Variants in EPN2 observed in about 807,000 individuals in gnomAD.
EPN2 encodes epsin 2.
In EPN2, 34 loss-of-function variants were observed where a neutral mutation model predicts 61.7. The ratio of observed to expected loss-of-function variants is 0.55; its 90% confidence interval spans 0.42 to 0.73. The LOEUF is 0.73. Ranked by LOEUF, EPN2 falls within the 30% of genes least tolerant of loss-of-function variation. The probability of loss-of-function intolerance (pLI) is 0.00; values close to 1 mark genes in which losing one functional copy is unlikely to be tolerated. For synonymous variants in EPN2, 349 were observed against 353.6 expected, an observed-to-expected ratio of 0.99 and a Z score of 0.15; for missense variants, 714 against 839.2, an observed-to-expected ratio of 0.85 and a Z score of 1.84.
rs769126546 is a variant in EPN2, at chr17:19,329,673, A to G, written c.1411+26A>G. On this transcript the variant is annotated intron_variant, in intron 9 of 10. Coordinates refer to ENST00000314728, the MANE Select transcript of EPN2 (RefSeq NM_014964.5). Reference sequence around the variant, plus strand: ...GTATGTACAGGTGATGATGGTTTCCATAATCCTCCGTGCATTTGACCAGCT... The same window carrying G: ...GTATGTACAGGTGATGATGGTTTCCGTAATCCTCCGTGCATTTGACCAGCT... 1.5e-5 allele frequency: 21 copies of G among 1,403,464 alleles called. No individual in the cohort carries two copies. The South Asian group carries it at 2.4e-4, about 16-fold the overall frequency. The allele number at this position is 1,403,464 out of a possible 1,614,324, so 86.9% of individuals were successfully genotyped here. A position where few individuals can be genotyped will look rare whatever the true frequency, so the allele number is the denominator to read the frequency against.
At chr17:19,310,233 C>A (rs1364751273) in intron 5 of EPN2, among the ~76,000 whole-genome samples, 1 of 152,162 alleles carries the variant, frequency 6.6e-6, no homozygotes, top group African/African-American at 2.4e-5. Context: ...GAAGTCATTG[C>A]CAAGGAAAGA....
At chr17:19,265,818 A>G (rs1389818071) in intron 1 of EPN2, among the ~76,000 whole-genome samples, 4 of 152,134 alleles carry the variant, frequency 2.6e-5, no homozygotes, top group African/African-American at 9.7e-5. Context: ...AAAACTAAGT[A>G]TGCTGCCTCC....
intron 7 of EPN2, among the ~76,000 whole-genome samples, chr17:19,317,054 C>T (rs916820261): frequency 3.9e-5 from 6 of 152,222 alleles, no homozygotes; most frequent in African/African-American, 1.4e-4. Flanking sequence ...TTCAGGGTCA[C>T]CCCTCCATCC....
intron 7 of EPN2, among the ~76,000 whole-genome samples, chr17:19,324,933 G>A (rs1196047614): frequency 6.6e-6 from 1 of 152,124 alleles, no homozygotes. Flanking sequence ...CATAACTGCC[G>A]GCACACTCAG....
chr17:19,251,411 T>A (rs2045013801), intron 1 of EPN2, among the ~76,000 whole-genome samples: 1 of 152,140 alleles, frequency 6.6e-6, no homozygotes, highest in Non-Finnish European at 1.5e-5. Flanking sequence ...TAAAAGCGTT[T>A]CAGTGGAAGA....
At chr17:19,274,857 G>T (rs751354642) in intron 1 of EPN2, among the ~76,000 whole-genome samples, 44 of 114,136 alleles carry the variant, frequency 3.9e-4, no homozygotes, top group Non-Finnish European at 5.8e-4. Flanking sequence ...CATAACCCTA[G>T]CCTTGGAAAT....
chr17:19,261,303 T>C (rs1379610753), intron 1 of EPN2, among the ~76,000 whole-genome samples: 1 of 152,224 alleles, frequency 6.6e-6, no homozygotes, highest in Non-Finnish European at 1.5e-5. Context: ...CACTTGTAAA[T>C]AATATCTCAG....
At chr17:19,279,863 G>C (rs574611921) in intron 1 of EPN2, 1 of 147,958 alleles carries the variant, frequency 6.8e-6, no homozygotes, top group African/African-American at 2.5e-5. Flanking sequence ...TTGAGACAGG[G>C]TCTCACTCTA....
intron 1 of EPN2, among the ~76,000 whole-genome samples, chr17:19,252,703 T>C (rs953842615): frequency 2.6e-5 from 4 of 152,206 alleles, no homozygotes; most frequent in Non-Finnish European, 4.4e-5. Context: ...TCTTGATTGA[T>C]TGACTGAGAT....
Position 19,285,671 on chromosome 17 carries a change from A to G in EPN2, c.647A>G (p.Gln216Arg). 6.3e-7 allele frequency: 1 copy of G among 1,577,968 alleles called. No homozygotes were observed. Among genetic ancestry groups the G allele is most frequent in the Non-Finnish European group, 8.6e-7 (1 of 1,163,006 alleles). Residue 216 changes from glutamine (Q) to arginine (R), a missense_variant, in exon 4 of 11, where the codon CAG becomes CGG. Coordinates refer to ENST00000314728, the MANE Select transcript of EPN2 (RefSeq NM_014964.5). The surrounding 1 kb of genome is among the most constrained non-coding windows in gnomAD (Gnocchi z 4.5). The stretch of plus-strand genomic sequence containing the variant: ...CACCGCACAGGGGCCCCGCTGGGTC[A>G]GAGTGAGGAGCTGCAGCCACTGAGC... ...PQHRTGAPLG[Q>R]SEELQPLSQR...
chr17:19,304,884 T>A (rs1905750293), intron 4 of EPN2, among the ~76,000 whole-genome samples: 1 of 152,168 alleles, frequency 6.6e-6, no homozygotes, highest in Non-Finnish European at 1.5e-5. Context: ...CATGGGGTCT[T>A]CTCACGCCCC....
chr17:19,293,049 A>G (rs916138567), intron 4 of EPN2, among the ~76,000 whole-genome samples: 4 of 152,194 alleles, frequency 2.6e-5, no homozygotes, highest in Admixed American at 6.6e-5. Flanking sequence ...TTCATCTTAT[A>G]TAATGCTTTT....
At chr17:19,322,704 C>T (rs1457671070) in intron 7 of EPN2, among the ~76,000 whole-genome samples, 1 of 148,310 alleles carries the variant, frequency 6.7e-6, no homozygotes, top group Non-Finnish European at 1.5e-5. Flanking sequence ...TGCACCACTG[C>T]GCTCCAGCCT....
intron 7 of EPN2, among the ~76,000 whole-genome samples, chr17:19,327,490 G>A (rs1294475626): frequency 6.6e-6 from 1 of 152,032 alleles, no homozygotes; most frequent in Non-Finnish European, 1.5e-5. Flanking sequence ...TGGGCAACAC[G>A]GTGAGACCCC....
chr17:19,275,864 T>C (rs1227709398), intron 1 of EPN2, among the ~76,000 whole-genome samples: 1 of 152,180 alleles, frequency 6.6e-6, no homozygotes, highest in African/African-American at 2.4e-5. Flanking sequence ...AGATATGGCT[T>C]TTTACGTGGA....
chr17:19,248,025 A>T (rs967526105), intron 1 of EPN2, among the ~76,000 whole-genome samples: 1 of 152,174 alleles, frequency 6.6e-6, no homozygotes, highest in Admixed American at 6.5e-5. Flanking sequence ...AAGTGCCCCC[A>T]GTTAATTCTC....
intron 4 of EPN2, among the ~76,000 whole-genome samples, chr17:19,290,720 A>AAGAAAAAG (rs72535842): frequency 5.7e-5 from 6 of 105,576 alleles, no homozygotes; most frequent in East Asian, 2.2e-4. Context: ...AAAAAAGAAA[A>AAGAAAAAG]AAAAAGAAAA....
chr17:19,320,249 C>A (rs1250694976), intron 7 of EPN2, among the ~76,000 whole-genome samples: 1 of 152,240 alleles, frequency 6.6e-6, no homozygotes, highest in Non-Finnish European at 1.5e-5. Context: ...TGATGGCTGC[C>A]TGTGACCCGC....
In EPN2 at chr17:19,285,592, T is replaced by G. The variant is rs1211909847; in HGVS notation, c.596-28T>G. On this transcript the variant is annotated intron_variant, in intron 3 of 10. Coordinates refer to ENST00000314728, the MANE Select transcript of EPN2 (RefSeq NM_014964.5). This position sits in a 1 kb window ranked among gnomAD's most constrained non-coding sequence, Gnocchi z 4.5. The stretch of plus-strand genomic sequence containing the variant: ...CACCCTCTAATGGCGTGTCTCTCTG[T>G]GTGTGTGTGTGTGTCCCTGCCCCAC... 2 of 1,320,252 alleles carry G rather than the reference T, an allele frequency of 1.5e-6. No individual in the cohort carries two copies. Among genetic ancestry groups the G allele is most frequent in the Non-Finnish European group, 1.0e-6 (1 of 978,058 alleles). The allele number at this position is 1,320,252 out of a possible 1,614,324, so 81.8% of individuals were successfully genotyped here. A position where few individuals can be genotyped will look rare whatever the true frequency, so the allele number is the denominator to read the frequency against.
Sources: allele counts gnomAD v4.1 joint callset (sites outside exome capture counted in the v4.1 genomes callset), GRCh38; gene constraint gnomAD v4.1.1; non-coding constraint Gnocchi (gnomAD v3.1); transcripts MANE v1.5; gene names NCBI Gene and HGNC (gene_info 2026-07-23, HGNC 2026-07-21).